The following CEP170 variants were observed in gnomAD, a reference collection of about 807,000 sequenced individuals.
The protein encoded by CEP170 is centrosomal protein 170.
CEP170 carries 21 observed loss-of-function variants against 151.9 expected under a neutral mutation model. That is an observed-to-expected ratio of 0.14 (90% CI 0.10 to 0.20). The LOEUF is 0.20. Ranked by LOEUF, CEP170 falls within the 10% of genes least tolerant of loss-of-function variation. The probability of loss-of-function intolerance (pLI) is 1.00; values close to 1 mark genes in which losing one functional copy is unlikely to be tolerated. For synonymous variants in CEP170, 356 were observed against 648.8 expected (o/e 0.55, Z 6.86); for missense variants, 964 against 1,892.9 (o/e 0.51, Z 9.11).
rs567012636 is a variant in CEP170, at chr1:243,170,146, G to A, written c.1717-392C>T. Among the ~76,000 whole-genome samples, 14 of 152,306 alleles carry A rather than the reference G, an allele frequency of 9.2e-5. No homozygotes were observed. The South Asian group carries it at 2.3e-3, about 25-fold the overall frequency. ...TTGATGCCTGTAATCCCAGTTCTTT[G>A]GGAGGCCGAGGCAGGTGGATAATGA... On this transcript the variant is annotated intron_variant, in intron 11 of 19. Transcript: ENST00000366542.
At chr1:243,201,846 A>G (rs1490042126) in intron 4 of CEP170, among the ~76,000 whole-genome samples, 1 of 152,172 alleles carries the variant, frequency 6.6e-6, no homozygotes, top group Non-Finnish European at 1.5e-5. Context: ...CCAAAACAAG[A>G]GTCTAGTCAA....
intron 7 of CEP170, among the ~76,000 whole-genome samples, chr1:243,196,705 C>G (rs2060672456): frequency 6.6e-6 from 1 of 152,092 alleles, no homozygotes; most frequent in Non-Finnish European, 1.5e-5. Context: ...CTTTCCCCCT[C>G]TCAGTACTAG....
At chr1:243,179,086 C>T (rs1367149520) in intron 10 of CEP170, among the ~76,000 whole-genome samples, 4 of 152,172 alleles carry the variant, frequency 2.6e-5, no homozygotes, top group Admixed American at 6.5e-5. Flanking sequence ...CCCTCTTAAC[C>T]TACCTTGTGT....
At chr1:243,189,652 A>T (rs1282222519) in intron 8 of CEP170, among the ~76,000 whole-genome samples, 1 of 152,076 alleles carries the variant, frequency 6.6e-6, no homozygotes, top group East Asian at 1.9e-4. Flanking sequence ...AGGTATTTTT[A>T]AAATGATTAC....
intron 10 of CEP170, among the ~76,000 whole-genome samples, chr1:243,175,791 A>G (rs959459996): frequency 1.1e-5 from 1 of 87,152 alleles, no homozygotes; most frequent in South Asian, 5.2e-4. Flanking sequence ...AAGGCTCAAC[A>G]GTATTTCTTT....
chr1:243,214,188 A>C (rs1190567974), intron 3 of CEP170, among the ~76,000 whole-genome samples: 1 of 151,894 alleles, frequency 6.6e-6, no homozygotes, highest in Non-Finnish European at 1.5e-5. Context: ...TGAGCTTCTA[A>C]TTGTTGTTTA....
At chr1:243,138,879 T>C (rs1163620881) in intron 16 of CEP170, among the ~76,000 whole-genome samples, 1 of 152,186 alleles carries the variant, frequency 6.6e-6, no homozygotes, top group Non-Finnish European at 1.5e-5. Flanking sequence ...CTTTAGGAGA[T>C]AGTGTCAAAC....
intron 14 of CEP170, among the ~76,000 whole-genome samples, chr1:243,151,955 A>G (rs1158069183): frequency 1.3e-5 from 2 of 152,138 alleles, no homozygotes; most frequent in Non-Finnish European, 2.9e-5. Flanking sequence ...GCCCTTAAGA[A>G]TTATGCTAAA....
intron 1 of CEP170, among the ~76,000 whole-genome samples, chr1:243,240,439 C>T (rs1195679054): frequency 1.3e-5 from 2 of 152,192 alleles, no homozygotes; most frequent in Non-Finnish European, 2.9e-5. Context: ...GTTAGACGTT[C>T]CACCTTATTT....
chr1:243,221,992 C>T (rs2062859613), intron 2 of CEP170, among the ~76,000 whole-genome samples, 179 bp from the exon 3 acceptor site: 1 of 152,134 alleles, frequency 6.6e-6, no homozygotes, highest in Non-Finnish European at 1.5e-5. Flanking sequence ...AGCATCACTG[C>T]CCAAAGAGGA....
intron 14 of CEP170, among the ~76,000 whole-genome samples, chr1:243,155,118 A>C (rs1400979638): frequency 6.6e-6 from 1 of 152,240 alleles, no homozygotes; most frequent in Non-Finnish European, 1.5e-5. Context: ...CAACTGGCTT[A>C]AAATGCTTCA....
intron 4 of CEP170, 45 bp downstream of exon 4, chr1:243,211,841 A>G (rs781320330): frequency 6.4e-7 from 1 of 1,567,812 alleles, no homozygotes; most frequent in Non-Finnish European, 8.7e-7. Flanking sequence ...CAGAGTAAAC[A>G]TATTTGAATA....
intron 17 of CEP170, among the ~76,000 whole-genome samples, chr1:243,135,251 G>A (rs1030084487): frequency 6.6e-5 from 10 of 152,226 alleles, no homozygotes; most frequent in Admixed American, 5.2e-4. Flanking sequence ...CTGTTGCCCA[G>A]GCTGGAGTGC....
intron 14 of CEP170, among the ~76,000 whole-genome samples, chr1:243,154,329 AAT>A (rs2057371743): frequency 6.6e-6 from 1 of 152,282 alleles, no homozygotes; most frequent in East Asian, 1.9e-4. Flanking sequence ...AGTTCATTTA[AAT>A]AAATAAAATT....
At position 243,165,986 on chromosome 1, in the gene CEP170, G is replaced by A; in HGVS notation, c.1974C>T (p.His658=). The change falls in exon 13 of 20, where the codon CAC becomes CAT. Residue 658 remains histidine (H), a synonymous_variant. Coordinates refer to ENST00000366542, the MANE Select transcript of CEP170 (RefSeq NM_014812.3). The part of the protein sequence containing the change: ...LPNEEKSLES[H]RAKVVTQRSE... ...ACCTCTGTGTTACAACCTTTGCTCT[G>A]TGGCTCTCAAGAGACTTTTCTTCAT... 1.9e-6 allele frequency: 3 copies of A among 1,613,414 alleles called. No homozygotes were observed. The highest frequency in any genetic ancestry group is 2.5e-6 in the Non-Finnish European group (3 of 1,179,614).
At chr1:243,222,899 G>T (rs1373472704) in intron 2 of CEP170, among the ~76,000 whole-genome samples, 1 of 152,100 alleles carries the variant, frequency 6.6e-6, no homozygotes, top group East Asian at 1.9e-4. Context: ...ACAACTTAAA[G>T]GTGAAGTGAT....
In CEP170 at chr1:243,164,760, T is replaced by C. The variant is rs1339372163; in HGVS notation, c.3200A>G (p.Lys1067Arg). The change falls in exon 13 of 20, where the codon AAA becomes AGA. Residue 1067 changes from lysine to arginine, a missense_variant. Lys to Arg is a conservative substitution (Grantham distance 26). Transcript: ENST00000366542. ...TTTCGTTACTTTACTTCCTTCCAGT[T>C]TGGAATGTACATGCTCATCAGCTGA... ...LTSADEHVHS[K>R]LEGSKVTKSK... The C allele has an allele frequency of 1.5e-5, 24 of 1,612,894 alleles. No homozygotes were observed. The highest frequency in any genetic ancestry group is 2.0e-5 in the Non-Finnish European group (24 of 1,179,324).
At chr1:243,241,402 T>C (rs924654968) in intron 1 of CEP170, among the ~76,000 whole-genome samples, 4 of 152,198 alleles carry the variant, frequency 2.6e-5, no homozygotes, top group African/African-American at 4.8e-5. Flanking sequence ...AATTAAAACA[T>C]GATAAGAATG....
At chr1:243,152,388 A>AC (rs2057178948) in intron 14 of CEP170, among the ~76,000 whole-genome samples, 1 of 151,122 alleles carries the variant, frequency 6.6e-6, no homozygotes, top group East Asian at 2.0e-4. Context: ...CGCCCGGCTA[A>AC]TTTTTTGTAT....
Sources: gnomAD v4.1 joint callset for allele counts (sites outside exome capture counted in the v4.1 genomes callset) on GRCh38, gnomAD v4.1.1 for gene constraint, MANE v1.5 for transcripts, NCBI Gene and HGNC (gene_info 2026-07-23, HGNC 2026-07-21) for gene names.